The following VOPP1 variants were observed in gnomAD, a reference collection of about 807,000 sequenced individuals.
The protein encoded by VOPP1 is VOPP1 WW domain binding protein.
In VOPP1, 8 loss-of-function variants were observed where a neutral mutation model predicts 23.5. That is an observed-to-expected ratio of 0.34 (90% CI 0.20 to 0.61). The LOEUF is 0.61. Among genes scored for constraint, VOPP1 ranks in the 20% least tolerant of loss-of-function variants. VOPP1 has a pLI of 0.78. For missense variants in VOPP1, 174 were observed against 238.1 expected (o/e 0.73, Z 1.77); for synonymous variants, 83 against 97.3 (o/e 0.85, Z 0.86).
intron 4 of VOPP1, among the ~76,000 whole-genome samples, chr7:55,443,329 C>T (rs1052927485): frequency 6.6e-5 from 10 of 151,732 alleles, no homozygotes; most frequent in South Asian, 2.1e-4. Context: ...CTGATGCGGG[C>T]GGATCACAAG....
intron 2 of VOPP1, among the ~76,000 whole-genome samples, chr7:55,505,656 AGGGAGGG>A (rs1794668427): frequency 1.9e-3 from 1 of 516 alleles, no homozygotes; most frequent in Non-Finnish European, 8.2e-3. Context: ...GAAGGAAGGG[AGGGAGGG>A]AGGGAGGGAG....
At chr7:55,540,676 G>A (rs934384572) in intron 1 of VOPP1, among the ~76,000 whole-genome samples, 11 of 152,088 alleles carry the variant, frequency 7.2e-5, no homozygotes, top group South Asian at 2.1e-4. Context: ...CAGACACCAC[G>A]GGCGCTGCCC....
Position 55,511,511 on chromosome 7 carries a change from A to G in VOPP1, c.113+9561T>C, listed in dbSNP as rs568776895. ...GCACAGCTTAAAATTTTAGAATGTG[A>G]AAGAAAAATATCTTGAATCCCCAAA... is the stretch of plus-strand genomic sequence containing the variant. On this transcript the variant is annotated intron_variant, in intron 2 of 4. Transcript: ENST00000285279. 6.4e-4 allele frequency among the ~76,000 whole-genome samples: 98 copies of G among 152,350 alleles called. 2 individuals are homozygous for G. In the South Asian group the frequency reaches 0.019, roughly 29 times the overall value.
At chr7:55,552,544 G>A in intron 1 of VOPP1, 2 of 1,515,910 alleles carry the variant, frequency 1.3e-6, no homozygotes, top group East Asian at 4.9e-5. Flanking sequence ...ACACAAGCAT[G>A]ATTTTCCCAG....
intron 1 of VOPP1, among the ~76,000 whole-genome samples, chr7:55,534,881 C>T (rs1219213499): frequency 6.6e-6 from 1 of 152,278 alleles, no homozygotes; most frequent in African/African-American, 2.4e-5. Context: ...TGTCTTCCCA[C>T]TCCATCCACG....
At chr7:55,477,459 G>A (rs1792350030) in intron 4 of VOPP1, among the ~76,000 whole-genome samples, 1 of 152,210 alleles carries the variant, frequency 6.6e-6, no homozygotes, top group Non-Finnish European at 1.5e-5. Context: ...TGACAGGAGT[G>A]ACTGGCTGCC....
chr7:55,542,051 T>C (rs1434106345), intron 1 of VOPP1, among the ~76,000 whole-genome samples: 1 of 152,234 alleles, frequency 6.6e-6, no homozygotes, highest in African/African-American at 2.4e-5. Flanking sequence ...ATGGGCGAGA[T>C]GATGGCATGT....
intron 1 of VOPP1, among the ~76,000 whole-genome samples, chr7:55,563,180 A>G (rs971606475): frequency 4.6e-5 from 7 of 152,166 alleles, no homozygotes; most frequent in African/African-American, 1.7e-4. Flanking sequence ...TTAAAAATTA[A>G]TTTCGATACA....
chr7:55,510,455 T>C (rs1794998768), intron 2 of VOPP1, among the ~76,000 whole-genome samples: 2 of 152,050 alleles, frequency 1.3e-5, no homozygotes, highest in South Asian at 4.1e-4. Context: ...TAATCCTAAA[T>C]GGGTCATGTT....
chr7:55,531,975 G>A (rs1796522759), intron 1 of VOPP1, among the ~76,000 whole-genome samples: 1 of 152,228 alleles, frequency 6.6e-6, no homozygotes. Flanking sequence ...AGATTAATAA[G>A]TGGAGCAGCT....
intron 4 of VOPP1, among the ~76,000 whole-genome samples, chr7:55,441,866 C>T (rs1288750594): frequency 6.6e-6 from 1 of 152,172 alleles, no homozygotes; most frequent in African/African-American, 2.4e-5. Context: ...ATGGCTGGCT[C>T]TTCTGGGGAG....
chr7:55,539,534 AT>A (rs1385939434), intron 1 of VOPP1: 1 of 152,100 alleles, frequency 6.6e-6, no homozygotes, highest in Non-Finnish European at 1.5e-5. Context: ...GCTTCTCCCC[AT>A]TGCTCTCTCC....
chr7:55,486,090 G>T (rs34746406), intron 4 of VOPP1, among the ~76,000 whole-genome samples: 41,024 of 152,166 alleles, frequency 0.27, 7,036 homozygotes, highest in Non-Finnish European at 0.39. Flanking sequence ...CGGGCCAGAG[G>T]CTCCGGCTCC....
intron 2 of VOPP1, among the ~76,000 whole-genome samples, chr7:55,514,338 G>A (rs1221947439): frequency 1.3e-5 from 2 of 152,334 alleles, no homozygotes; most frequent in Non-Finnish European, 2.9e-5. Flanking sequence ...GACCCTTGAA[G>A]GTGATCTAGC....
At chr7:55,492,462 C>T (rs577493217) in intron 3 of VOPP1, 44 bp from the exon 4 acceptor site, 4 of 1,565,952 alleles carry the variant, frequency 2.6e-6, no homozygotes, top group Non-Finnish European at 3.5e-6. Context: ...CAGGTGGGGG[C>T]CCTGAGGGCT....
chr7:55,534,021 G>T lies in VOPP1; in HGVS notation c.55-12891C>A, dbSNP rs1256467495. 2.0e-5 allele frequency among the ~76,000 whole-genome samples: 3 copies of T among 152,108 alleles called. No individual in the cohort carries two copies. The South Asian group carries it at 6.2e-4, about 32-fold the overall frequency. On this transcript the variant is annotated intron_variant, in intron 1 of 4. Transcript: ENST00000285279. ...CACCCAAAACAACTCATTTGTGCAA[G>T]GTCACCAGCAAACTGTACAGCTGTC...
At chr7:55,462,919 A>T (rs369618053) in intron 4 of VOPP1, among the ~76,000 whole-genome samples, 1 of 151,978 alleles carries the variant, frequency 6.6e-6, no homozygotes, top group African/African-American at 2.4e-5. Context: ...GCCTCCCAAT[A>T]TATTTTTAAC....
intron 1 of VOPP1, among the ~76,000 whole-genome samples, chr7:55,564,271 C>CTCTCACTT (rs531015582): frequency 1.1e-4 from 17 of 150,850 alleles, no homozygotes; most frequent in African/African-American, 4.2e-4. Context: ...CTCTCTCGCT[C>CTCTCACTT]GCTTGCTCTC....
intron 2 of VOPP1, among the ~76,000 whole-genome samples, chr7:55,509,986 G>A (rs1794969497): frequency 6.6e-6 from 1 of 152,154 alleles, no homozygotes; most frequent in African/African-American, 2.4e-5. Flanking sequence ...TTAGACCAGA[G>A]GACCGTGTCG....
Sources: allele counts gnomAD v4.1 joint callset (sites outside exome capture counted in the v4.1 genomes callset), GRCh38; gene constraint gnomAD v4.1.1; transcripts MANE v1.5; gene names NCBI Gene and HGNC (gene_info 2026-07-23, HGNC 2026-07-21).